The following LRRC15 variants were observed in gnomAD, a reference collection of about 807,000 sequenced individuals.
LRRC15 encodes leucine-rich repeat-containing protein 15.
In LRRC15, 5 loss-of-function variants were observed where a neutral mutation model predicts 4.3. That is an observed-to-expected ratio of 1.16 (90% CI 0.61 to 2.44). LRRC15 has a LOEUF of 2.44. LRRC15 is among the 30% of genes most tolerant of loss of function. The pLI is 0.01. For missense variants in LRRC15, 769 were observed against 747.0 expected (o/e 1.03, Z -0.34); for synonymous variants, 337 against 323.2 (o/e 1.04, Z -0.46).
In LRRC15 at chr3:194,359,874, G is replaced by A. The variant is rs1713552640; in HGVS notation, c.1170C>T (p.Gly390=). ...TGTTCTGCAGCTGGATGGCCATGAGGCCATTGACGTTGGCGAAGATATTCC... is the reference window on the plus strand; with the variant it reads ...TGTTCTGCAGCTGGATGGCCATGAGACCATTGACGTTGGCGAAGATATTCC... ...LPGNIFANVN[G]LMAIQLQNNQ... The change falls in exon 2 of 2, where the codon GGC becomes GGT. Residue 390 remains glycine (G), a synonymous_variant. Transcript: ENST00000347624. The A allele has an allele frequency of 6.2e-7, 1 of 1,614,046 alleles. No individual in the cohort carries two copies. Among genetic ancestry groups the A allele is most frequent in the Non-Finnish European group, 8.5e-7 (1 of 1,180,046 alleles).
rs529695657 is a variant in LRRC15, at chr3:194,360,436, C to T, written c.608G>A (p.Arg203Gln). The stretch of plus-strand genomic sequence containing the variant: ...ATCCGTGAGCCTGTTCTCATACAGC[C>T]GGAGGACCTGGAGGTTGCCCAGGTG... ...FQHLGNLQVLRLYENRLTDIP... is the reference protein window; with the variant it reads ...FQHLGNLQVLQLYENRLTDIP... The change falls in exon 2 of 2, where the codon CGG (arginine) becomes CAG (glutamine). Residue 203 changes from arginine to glutamine, a missense_variant. By Grantham distance (43) the Arg-to-Gln change is conservative. Coordinates refer to ENST00000347624, the MANE Select transcript of LRRC15 (RefSeq NM_130830.5). 37 of 1,614,140 alleles carry T rather than the reference C, an allele frequency of 2.3e-5. 1 individual carries two copies. In the South Asian group the frequency reaches 2.7e-4, roughly 12 times the overall value.
chr3:194,362,109 G>A lies in LRRC15; in HGVS notation c.-3-1063C>T, dbSNP rs182469313. On this transcript the variant is annotated intron_variant, in intron 1 of 1. Transcript: ENST00000347624. ...AATGTTGGTGTTTGAAATCACTGAT[G>A]ACAATGACATATATAACTGTGTGTG... is the stretch of plus-strand genomic sequence containing the variant. Among the ~76,000 whole-genome samples, 732 of 150,056 alleles carry A rather than the reference G, an allele frequency of 4.9e-3. 11 individuals carry two copies. The highest frequency in any genetic ancestry group is 0.017 in the African/African-American group (691 of 40,130).
chr3:194,362,405 T>C (rs1478687251), intron 1 of LRRC15, among the ~76,000 whole-genome samples: 1 of 152,160 alleles, frequency 6.6e-6, no homozygotes, highest in Non-Finnish European at 1.5e-5. Flanking sequence ...GCATGGACCC[T>C]ATAGACTCCT....
At chr3:194,366,751 G>T (rs1007485039) in intron 1 of LRRC15, among the ~76,000 whole-genome samples, 1 of 152,212 alleles carries the variant, frequency 6.6e-6, no homozygotes, top group Non-Finnish European at 1.5e-5. Context: ...AGAGCCTGGA[G>T]CATCAGAGGT....
At chr3:194,368,272 C>G (rs34461611) in intron 1 of LRRC15, among the ~76,000 whole-genome samples, 22,542 of 152,172 alleles carry the variant, frequency 0.15, 2,151 homozygotes, top group African/African-American at 0.26. Flanking sequence ...GCTCCTCCCC[C>G]ACCCCTTATT....
At chr3:194,363,418 A>G (rs866989876) in intron 1 of LRRC15, 3 of 693,028 alleles carry the variant, frequency 4.3e-6, no homozygotes, top group Non-Finnish European at 5.3e-6. Flanking sequence ...CACATCTGAA[A>G]AAAAGTAAAA....
intron 1 of LRRC15, among the ~76,000 whole-genome samples, 200 bp downstream of exon 1, chr3:194,369,461 T>C (rs1713878702): frequency 6.6e-6 from 1 of 152,300 alleles, no homozygotes; most frequent in South Asian, 2.1e-4. Context: ...CTGGTGGTCC[T>C]GGTGTCCAGG....
At chr3:194,364,344 G>A (rs1462218984) in intron 1 of LRRC15, among the ~76,000 whole-genome samples, 1 of 152,130 alleles carries the variant, frequency 6.6e-6, no homozygotes, top group Middle Eastern at 3.2e-3. Flanking sequence ...CTGGGCTGAC[G>A]TGCAAAAGGT....
chr3:194,360,311 G>T lies in LRRC15; in HGVS notation c.733C>A (p.His245Asn), dbSNP rs1319902477. 4 of 1,614,020 alleles carry T rather than the reference G, an allele frequency of 2.5e-6. No homozygotes were observed. Among genetic ancestry groups the T allele is most frequent in the Non-Finnish European group, 3.4e-6 (4 of 1,180,032 alleles). The change falls in exon 2 of 2, where the codon CAC (histidine) becomes AAC (asparagine). Residue 245 changes from histidine to asparagine, a missense_variant. Coordinates refer to ENST00000347624, the MANE Select transcript of LRRC15 (RefSeq NM_130830.5). ...GACAGGTAGAGTCTCTGGAGGTTGT[G>T]GTTGTTGTGGAAGAGACCAGGGGAG... ...LLSPGLFHNNHNLQRLYLSNN... is the reference protein window; with the variant it reads ...LLSPGLFHNNNNLQRLYLSNN...
At position 194,355,319 on chromosome 3, in the gene LRRC15, C is replaced by G. The variant is rs1280423633; in HGVS notation, c.*3979G>C. ...CAAGCAGCATCCAGCAGAAGACAGA[C>G]CCCCCAACCCTGCCCACCAGGGCTC... On this transcript the variant is annotated 3_prime_UTR_variant, in exon 2 of 2. Transcript: ENST00000347624. 6.6e-6 allele frequency: 1 copy of G among 152,164 alleles called. No homozygotes were observed. Among genetic ancestry groups the G allele is most frequent in the African/African-American group, 2.4e-5 (1 of 41,406 alleles). The allele number at this position is 152,164 out of a possible 1,614,324, so 9.4% of individuals were successfully genotyped here. A position where few individuals can be genotyped will look rare whatever the true frequency, so the allele number is the denominator to read the frequency against.
chr3:194,359,771 A>T lies in LRRC15; in HGVS notation c.1273T>A (p.Trp425Arg), dbSNP rs765717841. The change falls in exon 2 of 2, where the codon TGG (tryptophan) becomes AGG (arginine). Residue 425 changes from tryptophan (W) to arginine (R), a missense_variant. Transcript: ENST00000347624. Reference sequence around the variant, plus strand: ...GGAAGGATGTCTGAGTCACACCTCCAGGGATTGTCATACAGCCGCAGCTCA... The same window carrying T: ...GGAAGGATGTCTGAGTCACACCTCCTGGGATTGTCATACAGCCGCAGCTCA... The part of the protein sequence containing the change: ...LCELRLYDNP[W>R]RCDSDILPLR... 3 of 1,614,168 alleles carry T rather than the reference A, an allele frequency of 1.9e-6. No individual in the cohort carries two copies. Among genetic ancestry groups the T allele is most frequent in the Non-Finnish European group, 2.5e-6 (3 of 1,180,034 alleles).
intron 1 of LRRC15, among the ~76,000 whole-genome samples, chr3:194,369,244 G>A (rs2108661544): frequency 6.6e-6 from 1 of 152,378 alleles, no homozygotes; most frequent in East Asian, 1.9e-4. Context: ...AGATGGCACA[G>A]GCGCAAATAA....
chr3:194,364,119 G>T (rs959016718), intron 1 of LRRC15, among the ~76,000 whole-genome samples: 4 of 152,188 alleles, frequency 2.6e-5, no homozygotes, highest in African/African-American at 9.7e-5. Context: ...CAAGCAAGCT[G>T]TAGAGAAGAC....
In LRRC15 at chr3:194,360,773, G is replaced by T; in HGVS notation, c.271C>A (p.Arg91Ser). ...ALRIEKNELS[R>S]ITPGAFRNLG... Reference sequence around the variant, plus strand: ...TTTCGGAAGGCCCCAGGCGTGATGCGCGACAGCTCATTCTTCTCAATCCTC... The same window carrying T: ...TTTCGGAAGGCCCCAGGCGTGATGCTCGACAGCTCATTCTTCTCAATCCTC... Residue 91 changes from arginine (R) to serine (S), a missense_variant, in exon 2 of 2, where the codon CGC becomes AGC. Physicochemically the swap from Arg to Ser is moderately radical, Grantham distance 110. Transcript: ENST00000347624. The T allele has an allele frequency of 6.2e-7, 1 of 1,614,242 alleles. No individual in the cohort carries two copies.
chr3:194,366,979 G>C (rs139760609), intron 1 of LRRC15, among the ~76,000 whole-genome samples: 120 of 152,346 alleles, frequency 7.9e-4, no homozygotes, highest in African/African-American at 2.7e-3. Context: ...GCAGGGCCTG[G>C]GATTGGGGAG....
Position 194,359,274 on chromosome 3 carries a change from C to A in LRRC15, c.*24G>T. The A allele has an allele frequency of 3.9e-6, 6 of 1,525,798 alleles. No individual in the cohort carries two copies. The Admixed American group carries it at 1.1e-4, about 27-fold the overall frequency. 94.5% of individuals were successfully genotyped at this position (1,525,798 alleles called of 1,614,324 possible). A position where few individuals can be genotyped will look rare whatever the true frequency, so the allele number is the denominator to read the frequency against. On this transcript the variant is annotated 3_prime_UTR_variant, in exon 2 of 2. Transcript: ENST00000347624. The stretch of plus-strand genomic sequence containing the variant: ...CCAGGTCCTCCAGTCCCATCATTCC[C>A]CAGCCCTGCTCCAGCCTGCCTCTTT...
chr3:194,365,724 C>T (rs1713755856), intron 1 of LRRC15, among the ~76,000 whole-genome samples: 1 of 152,190 alleles, frequency 6.6e-6, no homozygotes, highest in Admixed American at 6.5e-5. Context: ...GGCCGCCCGG[C>T]CCGGCTCCAG....
chr3:194,367,650 C>T (rs1392141464), intron 1 of LRRC15, among the ~76,000 whole-genome samples: 1 of 152,210 alleles, frequency 6.6e-6, no homozygotes, highest in Non-Finnish European at 1.5e-5. Flanking sequence ...TTACCTGTGT[C>T]TCTGCTCAAA....
In LRRC15 at chr3:194,359,716, G is replaced by A; in HGVS notation, c.1328C>T (p.Pro443Leu). ...AGGTACAGTGTCCGTCCCTAACCTA[G>A]GCTGGTTGAGCAGGAGCCAGTTGCG... The part of the protein sequence containing the change: ...PLRNWLLLNQ[P>L]RLGTDTVPVC... Residue 443 changes from proline (P) to leucine (L), a missense_variant, in exon 2 of 2, where the codon CCT becomes CTT. Coordinates refer to ENST00000347624, the MANE Select transcript of LRRC15 (RefSeq NM_130830.5). 6.2e-7 allele frequency: 1 copy of A among 1,614,232 alleles called. No homozygotes were observed. Among genetic ancestry groups the A allele is most frequent in the South Asian group, 1.1e-5 (1 of 91,068 alleles).
Sources: gnomAD v4.1 joint callset for allele counts (sites outside exome capture counted in the v4.1 genomes callset) on GRCh38, gnomAD v4.1.1 for gene constraint, MANE v1.5 for transcripts, NCBI Gene and HGNC (gene_info 2026-07-23, HGNC 2026-07-21) for gene names.